Variants in RAF1 observed in about 807,000 individuals in gnomAD.
RAF1 encodes RAF proto-oncogene serine/threonine-protein kinase.
RAF1 carries 27 observed loss-of-function variants against 81.1 expected under a neutral mutation model. The ratio of observed to expected loss-of-function variants is 0.33; its 90% CI spans 0.25 to 0.46. The LOEUF (loss-of-function observed/expected upper bound fraction) is 0.46, where lower values mean the gene tolerates loss of function less well. RAF1 is among the 20% of genes least tolerant of loss of function. The probability of loss-of-function intolerance (pLI) is 1.00; values close to 1 mark genes in which losing one functional copy is unlikely to be tolerated. For synonymous variants in RAF1, 298 were observed against 294.0 expected (o/e 1.01, Z -0.14); for missense variants, 598 against 826.0 (o/e 0.72, Z 3.38).
intron 1 of RAF1, among the ~76,000 whole-genome samples, chr3:12,647,114 G>A (rs1430958465): frequency 6.6e-6 from 1 of 150,734 alleles, no homozygotes; most frequent in Non-Finnish European, 1.5e-5. Context: ...GGCTAACATG[G>A]TGAAACCCCG....
intron 1 of RAF1, among the ~76,000 whole-genome samples, chr3:12,625,587 C>T (rs2059679204): frequency 6.6e-6 from 1 of 152,128 alleles, no homozygotes; most frequent in Non-Finnish European, 1.5e-5. Flanking sequence ...ACCTCAGACT[C>T]AAAGCCACAG....
At chr3:12,590,565 A>C (rs2058481711) in intron 13 of RAF1, 1 of 545,710 alleles carries the variant, frequency 1.8e-6, no homozygotes, top group African/African-American at 1.9e-5. Context: ...GCCTCAAGTG[A>C]TCCACTGGCC....
intron 1 of RAF1, among the ~76,000 whole-genome samples, chr3:12,619,052 T>G (rs960035916): frequency 2.0e-5 from 3 of 149,850 alleles, no homozygotes; most frequent in African/African-American, 7.4e-5. Context: ...GAGACCATCC[T>G]GGCTAACACG....
intron 13 of RAF1, chr3:12,590,403 A>C (rs1387481666): frequency 1.3e-5 from 1 of 75,744 alleles, no homozygotes. Context: ...AGCTCCCCGC[A>C]ACCTCTGCTT....
chr3:12,627,781 AATCTCT>A (rs2059748208), intron 1 of RAF1, among the ~76,000 whole-genome samples: 1 of 152,204 alleles, frequency 6.6e-6, no homozygotes, highest in Non-Finnish European at 1.5e-5. Flanking sequence ...ATCTTTCTAT[AATCTCT>A]CAACTGCATT....
At chr3:12,654,227 A>G (rs2060617865) in intron 1 of RAF1, among the ~76,000 whole-genome samples, 1 of 151,916 alleles carries the variant, frequency 6.6e-6, no homozygotes, top group Admixed American at 6.5e-5. Flanking sequence ...GCCTCAAGCA[A>G]TCCTCCCTCC....
rs886041231 is a variant in RAF1, at chr3:12,600,225, G to A, written c.977C>T (p.Ser326Leu). ...TGCTGGCACGGGGGTTTTCGGCTGT[G>A]ACCAGCCTGTTGGGCTCAGATTGTT... The change falls in exon 10 of 18, where the codon TCA becomes TTA. Residue 326 changes from serine (S) to leucine (L), a missense_variant. Ser to Leu is a moderately radical substitution (Grantham distance 145, BLOSUM62 -2). Transcript: ENST00000442415. The A allele has an allele frequency of 4.3e-6, 7 of 1,614,148 alleles. No homozygotes were observed. In the Admixed American group the frequency reaches 6.7e-5, roughly 15 times the overall value.
At chr3:12,605,571 C>A (rs1300463447) in intron 6 of RAF1, among the ~76,000 whole-genome samples, 3 of 152,132 alleles carry the variant, frequency 2.0e-5, no homozygotes, top group Non-Finnish European at 4.4e-5. Context: ...AGCTACCGTG[C>A]CTGGCCTAAA....
At chr3:12,612,732 A>G (rs1559439583) in intron 2 of RAF1, among the ~76,000 whole-genome samples, 1 of 152,106 alleles carries the variant, frequency 6.6e-6, no homozygotes, top group Non-Finnish European at 1.5e-5. Flanking sequence ...ACATCAAGAG[A>G]CAGTTAAGAA....
chr3:12,589,084 T>G (rs918138014), intron 13 of RAF1: 2 of 155,154 alleles, frequency 1.3e-5, no homozygotes, highest in Admixed American at 1.3e-4. Flanking sequence ...CAGATGCTGG[T>G]GTCATGCTTT....
chr3:12,620,888 ACATTCAGAGTTCAGAGTTCAGTT>A (rs61422491), intron 1 of RAF1, among the ~76,000 whole-genome samples: 103,636 of 139,160 alleles, frequency 0.74, 36,633 homozygotes, highest in East Asian at 0.92. Flanking sequence ...TTCTACCATA[ACATTCAGAGTTCAGAGTTCAGTT>A]CATTCAGAGT....
At chr3:12,587,962 CTTTTTTTTTTT>C (rs33981119) in intron 13 of RAF1, 2 of 62,706 alleles carry the variant, frequency 3.2e-5, no homozygotes, top group Non-Finnish European at 5.6e-5. Flanking sequence ...ACCATGCCGC[CTTTTTTTTTTT>C]TTTTTTTTTT....
chr3:12,663,059 C>G (rs2060930099), intron 1 of RAF1, among the ~76,000 whole-genome samples: 1 of 152,128 alleles, frequency 6.6e-6, no homozygotes, highest in South Asian at 2.1e-4. Flanking sequence ...ACACCCAGAG[C>G]CCTAGAACGA....
At position 12,612,066 on chromosome 3, in the gene RAF1, C is replaced by CT; in HGVS notation, c.208-5_208-4insA. The CT allele has an allele frequency of 6.2e-7, 1 of 1,613,184 alleles. No homozygotes were observed. The highest frequency in any genetic ancestry group is 8.5e-7 in the Non-Finnish European group (1 of 1,179,182). On this transcript the variant is annotated splice_region_variant and splice_polypyrimidine_tract_variant and intron_variant, in intron 2 of 17. Transcript: ENST00000442415. ...TCATTCCATTTCGCACATTGACCTA[C>CT]AAACAAAGGACCACCTTTAGGACCA...
chr3:12,638,671 C>G (rs1332061360), intron 1 of RAF1, among the ~76,000 whole-genome samples: 1 of 152,128 alleles, frequency 6.6e-6, no homozygotes, highest in African/African-American at 2.4e-5. Context: ...TCTACCTACT[C>G]ACACATCCGA....
At chr3:12,592,028 T>C in intron 11 of RAF1, 1 of 556,938 alleles carries the variant, frequency 1.8e-6, no homozygotes. Context: ...TCCTCCCACC[T>C]TGGCCTCCCA....
intron 2 of RAF1, among the ~76,000 whole-genome samples, chr3:12,617,760 G>A (rs111243730): frequency 6.6e-6 from 1 of 151,826 alleles, no homozygotes; most frequent in African/African-American, 2.4e-5. Context: ...AGGCGTGGCG[G>A]TGTGTGCCTG....
intron 1 of RAF1, among the ~76,000 whole-genome samples, chr3:12,653,614 G>A (rs780890260): frequency 1.3e-5 from 2 of 151,664 alleles, no homozygotes; most frequent in African/African-American, 2.4e-5. Flanking sequence ...TTGTGGTAGC[G>A]AGTGCCTGCA....
intron 11 of RAF1, among the ~76,000 whole-genome samples, chr3:12,597,240 T>C (rs936998208): frequency 1.3e-5 from 2 of 152,204 alleles, no homozygotes; most frequent in African/African-American, 4.8e-5. Flanking sequence ...TCCATTCTAA[T>C]AGCAGTCTTT....
Sources: gnomAD v4.1 joint callset for allele counts (sites outside exome capture counted in the v4.1 genomes callset) on GRCh38, gnomAD v4.1.1 for gene constraint, MANE v1.5 for transcripts, NCBI Gene and HGNC (gene_info 2026-07-23, HGNC 2026-07-21) for gene names.